Variants in PDE5A observed in about 807,000 individuals in gnomAD.
PDE5A encodes the protein cGMP-specific 3',5'-cyclic phosphodiesterase.
Under a neutral mutation model 110.2 loss-of-function variants are expected in PDE5A, and 67 were observed. The observed-to-expected ratio is 0.61, with a 90% confidence interval of 0.50 to 0.75. The LOEUF (loss-of-function observed/expected upper bound fraction) is 0.75. Among genes scored for constraint, PDE5A ranks in the 30% least tolerant of loss-of-function variants. The pLI is 0.00. For missense variants in PDE5A, 862 were observed against 1,045.1 expected, an observed-to-expected ratio of 0.82 and a Z score of 2.42; for synonymous variants, 328 against 351.2, an observed-to-expected ratio of 0.93 and a Z score of 0.74.
rs116177336 is a variant in PDE5A at position 119,526,856 on chromosome 4, C to A, written c.1633-1161G>T. 3.5e-3 allele frequency among the ~76,000 whole-genome samples: 540 copies of A among 152,162 alleles called. 6 individuals carry two copies. The highest frequency in any genetic ancestry group is 2.1e-3 in the East Asian group (11 of 5,166). On this transcript the variant is annotated intron_variant, in intron 11 of 20. Coordinates refer to ENST00000354960, the MANE Select transcript of PDE5A (RefSeq NM_001083.4). ...TCAAGCTAAGAATTTTTTCCCAAGA[C>A]CAAAACTGACCAGAAAATATGCATT...
intron 6 of PDE5A, among the ~76,000 whole-genome samples, chr4:119,562,345 T>TA (rs1727771730): frequency 6.6e-6 from 1 of 152,218 alleles, no homozygotes; most frequent in Non-Finnish European, 1.5e-5. Flanking sequence ...ATATGGGACT[T>TA]ATGGGGACCA....
chr4:119,600,268 T>G (rs973649512), intron 2 of PDE5A, among the ~76,000 whole-genome samples: 1 of 151,992 alleles, frequency 6.6e-6, no homozygotes, highest in African/African-American at 2.4e-5. Context: ...AAAAGAAAAA[T>G]AATGCATCTT....
chr4:119,541,700 CA>C (rs1293928075), intron 10 of PDE5A: 1 of 152,142 alleles, frequency 6.6e-6, no homozygotes, highest in Non-Finnish European at 1.5e-5. Flanking sequence ...CTCCATGTTA[CA>C]TCAACTGAAT....
chr4:119,511,793 A>G (rs1475435461), intron 14 of PDE5A, among the ~76,000 whole-genome samples: 1 of 152,024 alleles, frequency 6.6e-6, no homozygotes, highest in Non-Finnish European at 1.5e-5. Context: ...AGCAGTAGAG[A>G]CCCTTTGGCT....
intron 18 of PDE5A, among the ~76,000 whole-genome samples, chr4:119,503,576 A>C (rs558318279): frequency 6.6e-6 from 1 of 152,310 alleles, no homozygotes; most frequent in East Asian, 1.9e-4. Context: ...CAAGGTCATT[A>C]AAGGGATGAC....
intron 1 of PDE5A, among the ~76,000 whole-genome samples, chr4:119,617,786 T>C (rs1285546611): frequency 6.6e-6 from 1 of 152,214 alleles, no homozygotes; most frequent in Non-Finnish European, 1.5e-5. Context: ...AGGGTATTTG[T>C]GTTCTAATGC....
intron 1 of PDE5A, among the ~76,000 whole-genome samples, chr4:119,625,493 C>T (rs1157111108): frequency 1.3e-5 from 2 of 152,026 alleles, no homozygotes; most frequent in Non-Finnish European, 2.9e-5. Flanking sequence ...GATGGAAAAT[C>T]ATGCATGAAT....
intron 15 of PDE5A, among the ~76,000 whole-genome samples, chr4:119,509,634 A>C (rs1029734006): frequency 6.6e-6 from 1 of 152,080 alleles, no homozygotes; most frequent in Non-Finnish European, 1.5e-5. Context: ...GAACGTCTAT[A>C]GTATACTGAT....
chr4:119,618,835 TG>T (rs10711029), intron 1 of PDE5A, among the ~76,000 whole-genome samples: 47,517 of 151,978 alleles, frequency 0.31, 7,480 homozygotes, highest in East Asian at 0.39. Flanking sequence ...TGGATTAAAT[TG>T]GCTGTTTTAG....
Position 119,525,603 on chromosome 4 carries a change from T to G in PDE5A, c.1725A>C (p.Thr575=). 1 of 1,613,338 alleles carries G rather than the reference T, an allele frequency of 6.2e-7. No homozygotes were observed. The highest frequency in any genetic ancestry group is 8.5e-7 in the Non-Finnish European group (1 of 1,179,512). Reference sequence around the variant, plus strand: ...GGTTGAGGTCAGTAAACATCCGAATTGTACACAGTGCTGTTTCCAGATCAG... The same window carrying G: ...GGTTGAGGTCAGTAAACATCCGAATGGTACACAGTGCTGTTTCCAGATCAG... The part of the protein sequence containing the change: ...ELSDLETALC[T]IRMFTDLNLV... Residue 575 remains threonine (T), a synonymous_variant, in exon 12 of 21, where the codon ACA becomes ACC. Coordinates refer to ENST00000354960, the MANE Select transcript of PDE5A (RefSeq NM_001083.4). This position sits in a 1 kb window ranked among gnomAD's most constrained non-coding sequence, Gnocchi z 4.3.
intron 11 of PDE5A, among the ~76,000 whole-genome samples, chr4:119,538,172 A>G (rs2110483589): frequency 6.6e-6 from 1 of 152,204 alleles, no homozygotes; most frequent in African/African-American, 2.4e-5. Flanking sequence ...TGAAGTTTAC[A>G]TGAGAAAACA....
In PDE5A at chr4:119,505,866, CT is replaced by C; in HGVS notation, c.2255del (p.Lys752ArgfsTer8). ...GTAAACCTACTTACAAAAACAACTC[CT>C]TTTGATGAGGATCTTCCAAATTGAA... ...NQFNLEDPHQKELFLAMLMTA... is the reference protein window; with the variant it reads ...NQFNLEDPHQXELFLAMLMTA... On this transcript the variant is annotated frameshift_variant, in exon 17 of 21. Coordinates refer to ENST00000354960, the MANE Select transcript of PDE5A (RefSeq NM_001083.4). LOFTEE classifies it high-confidence loss of function. 1 of 1,562,968 alleles carries C rather than the reference CT, an allele frequency of 6.4e-7. No individual in the cohort carries two copies. The highest frequency in any genetic ancestry group is 2.3e-5 in the East Asian group (1 of 43,194).
chr4:119,551,988 A>G (rs2110495794), intron 9 of PDE5A: 1 of 152,310 alleles, frequency 6.6e-6, no homozygotes, highest in South Asian at 2.1e-4. Context: ...CTGCAATACC[A>G]GGAAACAAAT....
chr4:119,544,777 C>G (rs576558831), intron 9 of PDE5A, among the ~76,000 whole-genome samples: 7 of 152,312 alleles, frequency 4.6e-5, no homozygotes, highest in African/African-American at 1.4e-4. Flanking sequence ...AGCTAAGTAT[C>G]TCTCCAGTAC....
At chr4:119,519,513 T>C (rs555760285) in intron 13 of PDE5A, 16 of 171,408 alleles carry the variant, frequency 9.3e-5, no homozygotes, top group African/African-American at 3.8e-4. Flanking sequence ...CTGCTATCAG[T>C]TGCTGTGTCC....
At chr4:119,603,260 C>T (rs1260909026) in intron 2 of PDE5A, among the ~76,000 whole-genome samples, 2 of 152,198 alleles carry the variant, frequency 1.3e-5, no homozygotes, top group Non-Finnish European at 2.9e-5. Context: ...CAGTGGCATG[C>T]ACCTGTGGTC....
rs1431525056 is a variant in PDE5A at position 119,496,728 on chromosome 4, G to A, written c.*1873C>T. ...TGTATGCATGCATAAGTATACACCTGTATGTATATATAACTATTATTTTAG... is the reference window on the plus strand; with the variant it reads ...TGTATGCATGCATAAGTATACACCTATATGTATATATAACTATTATTTTAG... On this transcript the variant is annotated 3_prime_UTR_variant, in exon 21 of 21. Coordinates refer to ENST00000354960, the MANE Select transcript of PDE5A (RefSeq NM_001083.4). 1 of 152,414 alleles carries A rather than the reference G, an allele frequency of 6.6e-6. No individual in the cohort carries two copies. Among genetic ancestry groups the A allele is most frequent in the Non-Finnish European group, 1.5e-5 (1 of 67,966 alleles). The allele number at this position is 152,414 out of a possible 1,614,324, so 9.4% of individuals were successfully genotyped here. A position where few individuals can be genotyped will look rare whatever the true frequency, so the allele number is the denominator to read the frequency against.
Position 119,606,036 on chromosome 4 carries a change from T to A in PDE5A, c.741+673A>T, listed in dbSNP as rs182322481. On this transcript the variant is annotated intron_variant, in intron 2 of 20. Coordinates refer to ENST00000354960, the MANE Select transcript of PDE5A (RefSeq NM_001083.4). The stretch of plus-strand genomic sequence containing the variant: ...AAAATTCCATTAATAAAAAGGATTA[T>A]TTTAAATGGGAAATTTGAAGAATCT... Among the ~76,000 whole-genome samples, 458 of 152,360 alleles carry A rather than the reference T, an allele frequency of 3.0e-3. 1 individual carries two copies. Among genetic ancestry groups the A allele is most frequent in the African/African-American group, 0.01 (431 of 41,594 alleles).
intron 3 of PDE5A, among the ~76,000 whole-genome samples, chr4:119,588,528 TAAAAA>T (rs35632964): frequency 7.2e-6 from 1 of 139,734 alleles, no homozygotes; most frequent in Admixed American, 7.1e-5. Flanking sequence ...TTTGCTTCAT[TAAAAA>T]AAAAAAAAAA....
Sources: allele counts gnomAD v4.1 joint callset (sites outside exome capture counted in the v4.1 genomes callset), GRCh38; gene constraint gnomAD v4.1.1; non-coding constraint Gnocchi (gnomAD v3.1); transcripts MANE v1.5; gene names NCBI Gene and HGNC (gene_info 2026-07-23, HGNC 2026-07-21).